ABCC4: variants seen among roughly 807,000 people sequenced by gnomAD.
ABCC4 encodes the protein ATP-binding cassette sub-family C member 4.
Under a neutral mutation model 168.5 loss-of-function variants are expected in ABCC4, and 102 were observed. That is an observed-to-expected ratio of 0.61 (90% CI 0.52 to 0.71). The LOEUF is 0.71. Ranked by LOEUF, ABCC4 falls within the 30% of genes least tolerant of loss-of-function variation. ABCC4 has a pLI of 0.00. For synonymous variants in ABCC4, 617 were observed against 590.7 expected (o/e 1.04, Z -0.65); for missense variants, 1,402 against 1,605.8 (o/e 0.87, Z 2.17).
chr13:95,059,199 C>T (rs1273552736), intron 26 of ABCC4, among the ~76,000 whole-genome samples: 1 of 152,158 alleles, frequency 6.6e-6, no homozygotes, highest in South Asian at 2.1e-4. Context: ...CATTGAGATT[C>T]GCCGTAAATT....
At chr13:95,218,981 G>GAAAA (rs1206905711) in intron 4 of ABCC4, among the ~76,000 whole-genome samples, 2 of 53,586 alleles carry the variant, frequency 3.7e-5, no homozygotes, top group African/African-American at 1.6e-4. Context: ...AAGAAAGAAA[G>GAAAA]AAAGAGTGAG....
At chr13:95,115,776 CT>C in intron 20 of ABCC4, 145 bp downstream of exon 20, 2 of 683,144 alleles carry the variant, frequency 2.9e-6, no homozygotes, top group Admixed American at 5.4e-5. Context: ...ATAACCGCAC[CT>C]TTCTTTTACA....
At chr13:95,253,555 G>A (rs555671183) in intron 1 of ABCC4, among the ~76,000 whole-genome samples, 1 of 152,034 alleles carries the variant, frequency 6.6e-6, no homozygotes, top group South Asian at 2.1e-4. Flanking sequence ...GACCAGCCTG[G>A]CCAGCATGAT....
At chr13:95,031,932 C>T (rs1171207489) in intron 30 of ABCC4, among the ~76,000 whole-genome samples, 5 of 152,074 alleles carry the variant, frequency 3.3e-5, no homozygotes, top group Admixed American at 2.6e-4. Flanking sequence ...TAGATAGGGA[C>T]ACATCTCTTT....
intron 20 of ABCC4, among the ~76,000 whole-genome samples, chr13:95,087,954 A>G (rs2034310667): frequency 6.6e-6 from 1 of 152,190 alleles, no homozygotes; most frequent in African/African-American, 2.4e-5. Context: ...CTAAACAAAC[A>G]TTCTCTAAGC....
At chr13:95,260,356 C>T (rs118072351) in intron 1 of ABCC4, among the ~76,000 whole-genome samples, 1 of 152,276 alleles carries the variant, frequency 6.6e-6, no homozygotes, top group East Asian at 1.9e-4. Context: ...CCCACAGACA[C>T]CTAGAACCGC....
intron 20 of ABCC4, among the ~76,000 whole-genome samples, chr13:95,085,945 C>A (rs565409442): frequency 2.0e-5 from 3 of 152,318 alleles, no homozygotes; most frequent in South Asian, 4.1e-4. Flanking sequence ...AAAATTCAGT[C>A]ATACTGACCT....
At chr13:95,286,123 C>CTTTTTTTCTTTTTT (rs2041249872) in intron 1 of ABCC4, among the ~76,000 whole-genome samples, 1 of 105,522 alleles carries the variant, frequency 9.5e-6, no homozygotes, top group Non-Finnish European at 1.9e-5. Flanking sequence ...TCCAGAAAAA[C>CTTTTTTTCTTTTTT]TTTTTTTTTT....
At chr13:95,189,046 G>A (rs1316717000) in intron 9 of ABCC4, among the ~76,000 whole-genome samples, 3 of 121,836 alleles carry the variant, frequency 2.5e-5, no homozygotes, top group African/African-American at 6.3e-5. Flanking sequence ...CCCTCCCCTT[G>A]CCCCCCACCC....
At position 95,301,294 on chromosome 13, in the gene ABCC4, C is replaced by T. The variant is rs200816396; in HGVS notation, c.21G>A (p.Glu7=). 11 of 1,596,062 alleles carry T rather than the reference C, an allele frequency of 6.9e-6. No homozygotes were observed. The highest frequency in any genetic ancestry group is 1.4e-5 in the African/African-American group (1 of 73,114). MLPVYQ[E]VKPNPLQDAN... ...CGTCCTGCAGCGGGTTGGGCTTCAC[C>T]TCCTGGTACACGGGCAGCATCTTGC... Residue 7 remains glutamate (E), a synonymous_variant, in exon 1 of 31, where the codon GAG becomes GAA. Coordinates refer to ENST00000645237, the MANE Select transcript of ABCC4 (RefSeq NM_005845.5).
At chr13:95,141,603 C>A (rs2036321045) in intron 19 of ABCC4, among the ~76,000 whole-genome samples, 1 of 152,066 alleles carries the variant, frequency 6.6e-6, no homozygotes, top group African/African-American at 2.4e-5. Context: ...CATATCTTAG[C>A]CCATTTTTGA....
chr13:95,181,224 G>A (rs1307242669), intron 11 of ABCC4, among the ~76,000 whole-genome samples: 1 of 152,212 alleles, frequency 6.6e-6, no homozygotes, highest in Admixed American at 6.5e-5. Context: ...ATCCTACCAT[G>A]TGCACATCAA....
At chr13:95,059,763 G>A (rs148231445) in intron 26 of ABCC4, among the ~76,000 whole-genome samples, 67 of 152,212 alleles carry the variant, frequency 4.4e-4, no homozygotes, top group Middle Eastern at 3.4e-3. Flanking sequence ...CTAGAATAGC[G>A]AGTAGCAATA....
intron 1 of ABCC4, among the ~76,000 whole-genome samples, chr13:95,269,861 G>T (rs2040799466): frequency 6.6e-6 from 1 of 152,072 alleles, no homozygotes; most frequent in African/African-American, 2.4e-5. Flanking sequence ...ATAGAGAAAA[G>T]AAAAACAGAG....
rs755152309 is a variant in ABCC4, at chr13:95,210,741, G to A, written c.572C>T (p.Thr191Ile). 15 of 1,614,180 alleles carry A rather than the reference G, an allele frequency of 9.3e-6. No individual in the cohort carries two copies. The highest frequency in any genetic ancestry group is 1.2e-5 in the Non-Finnish European group (14 of 1,180,010). The change falls in exon 5 of 31, where the codon ACA becomes ATA. Residue 191 changes from threonine (T) to isoleucine (I), a missense_variant. By Grantham distance (89) the Thr-to-Ile change is moderately conservative. Around this residue, in one of 3 missense-constraint regions of ABCC4, gnomAD observed 317 missense variants for 345.5 expected, o/e 0.92. Transcript: ENST00000645237. ...GGACAGCAGATTGACTATCTGGCCT[G>A]TGGTTGTCTTCCCCATGGCCATGTT... ...LSNMAMGKTT[T>I]GQIVNLLSND...
intron 11 of ABCC4, among the ~76,000 whole-genome samples, chr13:95,185,306 C>T (rs533340514): frequency 2.0e-5 from 3 of 152,270 alleles, no homozygotes; most frequent in East Asian, 1.9e-4. Flanking sequence ...CTTGCCTTAG[C>T]GCATCTTTTC....
intron 6 of ABCC4, 136 bp from the exon 7 acceptor site, chr13:95,208,061 C>T (rs1037979512): frequency 3.5e-6 from 3 of 865,976 alleles, no homozygotes; most frequent in Non-Finnish European, 3.5e-6. Context: ...AGGTCCTACT[C>T]AAAATACAAA....
At chr13:95,030,113 T>A (rs7322684) in intron 30 of ABCC4, among the ~76,000 whole-genome samples, 2 of 151,936 alleles carry the variant, frequency 1.3e-5, no homozygotes, top group Non-Finnish European at 2.9e-5. Context: ...CTCCATCTCC[T>A]GGGTTCAAGT....
intron 27 of ABCC4, among the ~76,000 whole-genome samples, chr13:95,049,370 G>A (rs999900356): frequency 1.3e-5 from 2 of 151,714 alleles, no homozygotes; most frequent in African/African-American, 2.4e-5. Flanking sequence ...GGCCAGGCGC[G>A]GTGGCTCACG....
Sources: gnomAD v4.1 joint callset for allele counts (sites outside exome capture counted in the v4.1 genomes callset) on GRCh38, gnomAD v4.1.1 for gene constraint, gnomAD v4.1.1 regional missense constraint, MANE v1.5 for transcripts, NCBI Gene and HGNC (gene_info 2026-07-23, HGNC 2026-07-21) for gene names.